Variants in NHLRC2 observed in about 807,000 individuals in gnomAD.
NHLRC2 encodes the protein NHL repeat containing 2, also known as NHL repeat-containing protein 2.
NHLRC2 carries 33 observed loss-of-function variants against 68.1 expected under a neutral mutation model. That is an observed-to-expected ratio of 0.48 (90% confidence interval 0.37 to 0.65). NHLRC2 has a LOEUF of 0.65. NHLRC2 is among the 30% of genes least tolerant of loss of function. The pLI is 0.00. For synonymous variants in NHLRC2, 311 were observed against 309.6 expected (o/e 1.00, Z -0.05); for missense variants, 761 against 853.8 (o/e 0.89, Z 1.35).
At chr10:113,888,567 C>G in intron 5 of NHLRC2, among the ~76,000 whole-genome samples, 1 of 152,118 alleles carries the variant, frequency 6.6e-6, no homozygotes, top group Non-Finnish European at 1.5e-5. Context: ...TTTAACCTGA[C>G]TATGCCGTAT....
At position 113,911,753 on chromosome 10, in the gene NHLRC2, A is replaced by G. The variant is rs1228420216; in HGVS notation, c.*3217A>G. 2.0e-5 allele frequency: 3 copies of G among 152,210 alleles called. No homozygotes were observed. Among genetic ancestry groups the G allele is most frequent in the South Asian group, 2.1e-4 (1 of 4,834 alleles). 9.4% of individuals were successfully genotyped at this position (152,210 alleles called of 1,614,324 possible). A position where few individuals can be genotyped will look rare whatever the true frequency, so the allele number is the denominator to read the frequency against. On this transcript the variant is annotated 3_prime_UTR_variant, in exon 11 of 11. Coordinates refer to ENST00000369301, the MANE Select transcript of NHLRC2 (RefSeq NM_198514.4). ...AGATTTGGCATCACGTTTAACCACAATCATCAAAATCTACTTAAATTCTAT... is the reference window on the plus strand; with the variant it reads ...AGATTTGGCATCACGTTTAACCACAGTCATCAAAATCTACTTAAATTCTAT...
rs2134678400 is a variant in NHLRC2, at chr10:113,854,663, T to C, written c.-210T>C. On this transcript the variant is annotated 5_prime_UTR_variant, in exon 1 of 11. Transcript: ENST00000369301. ...AGGGGCGGGGTGGGTCGGACGGCAGTTTAATTACGTCCCCGGGAACTGCGC... is the reference window on the plus strand; with the variant it reads ...AGGGGCGGGGTGGGTCGGACGGCAGCTTAATTACGTCCCCGGGAACTGCGC... 1 of 526,510 alleles carries C rather than the reference T, an allele frequency of 1.9e-6. No homozygotes were observed. The highest frequency in any genetic ancestry group is 2.6e-5 in the South Asian group (1 of 38,192). The allele number at this position is 526,510 out of a possible 1,614,324, so 32.6% of individuals were successfully genotyped here.
At chr10:113,879,076 T>C (rs1049067118) in intron 3 of NHLRC2, among the ~76,000 whole-genome samples, 1 of 152,176 alleles carries the variant, frequency 6.6e-6, no homozygotes, top group Non-Finnish European at 1.5e-5. Flanking sequence ...CGCAGGACTT[T>C]CTGACAAAGT....
rs1845789023 is a variant in NHLRC2, at chr10:113,858,877, A to G, written c.331+197A>G. The G allele has an allele frequency of 7.5e-6, 3 of 399,130 alleles. No individual in the cohort carries two copies. In the East Asian group the frequency reaches 1.1e-4, roughly 15 times the overall value. The allele number at this position is 399,130 out of a possible 1,614,324, so 24.7% of individuals were successfully genotyped here. A position where few individuals can be genotyped will look rare whatever the true frequency, so the allele number is the denominator to read the frequency against. On this transcript the variant is annotated intron_variant, in intron 2 of 10. Coordinates refer to ENST00000369301, the MANE Select transcript of NHLRC2 (RefSeq NM_198514.4). Reference sequence around the variant, plus strand: ...CTTAGTGATAGTGGTTTGCCTATCTAAAGAACCAGCATTTAGTATATGGTT... The same window carrying G: ...CTTAGTGATAGTGGTTTGCCTATCTGAAGAACCAGCATTTAGTATATGGTT...
At chr10:113,888,431 AATT>A (rs1397533562) in intron 5 of NHLRC2, among the ~76,000 whole-genome samples, 1 of 152,214 alleles carries the variant, frequency 6.6e-6, no homozygotes, top group Non-Finnish European at 1.5e-5. Flanking sequence ...GAATGTACAC[AATT>A]ATTATTGGTC....
intron 10 of NHLRC2, among the ~76,000 whole-genome samples, chr10:113,905,324 G>A (rs988656301): frequency 6.6e-6 from 1 of 152,138 alleles, no homozygotes; most frequent in East Asian, 1.9e-4. Flanking sequence ...TTCTGATCCT[G>A]TTCTTCATTC....
intron 1 of NHLRC2, among the ~76,000 whole-genome samples, chr10:113,857,264 C>T (rs554157239): frequency 6.6e-6 from 1 of 152,152 alleles, no homozygotes; most frequent in East Asian, 1.9e-4. Context: ...AGAAAAGTCA[C>T]AGAAGACAGA....
intron 5 of NHLRC2, among the ~76,000 whole-genome samples, chr10:113,893,733 C>T (rs1487904653): frequency 6.6e-6 from 1 of 152,122 alleles, no homozygotes; most frequent in African/African-American, 2.4e-5. Context: ...TTATAGTAAG[C>T]CCCAGCTGAG....
intron 8 of NHLRC2, 63 bp from the exon 9 acceptor site, chr10:113,903,464 C>T (rs1846245648): frequency 1.0e-6 from 1 of 990,770 alleles, no homozygotes; most frequent in Non-Finnish European, 1.6e-6. Flanking sequence ...ATACCATACT[C>T]TTCCATACAA....
intron 1 of NHLRC2, among the ~76,000 whole-genome samples, chr10:113,857,215 T>C (rs547637466): frequency 6.6e-5 from 10 of 152,282 alleles, no homozygotes; most frequent in African/African-American, 2.4e-4. Flanking sequence ...TAGTCATTCT[T>C]TCTATACCCC....
chr10:113,897,083 A>G lies in NHLRC2; in HGVS notation c.1040-1027A>G, dbSNP rs181189481. 9.3e-3 allele frequency among the ~76,000 whole-genome samples: 1,408 copies of G among 152,074 alleles called. 25 individuals carry two copies. Among genetic ancestry groups the G allele is most frequent in the South Asian group, 0.011 (52 of 4,822 alleles). ...AAATTAAGTTAGAATGAATAAGATT[A>G]TTCATTTTCGTGGGCTTTCCATGTT... On this transcript the variant is annotated intron_variant, in intron 5 of 10. Coordinates refer to ENST00000369301, the MANE Select transcript of NHLRC2 (RefSeq NM_198514.4).
intron 9 of NHLRC2, among the ~76,000 whole-genome samples, chr10:113,904,193 A>T (rs1266811929): frequency 6.6e-6 from 1 of 151,860 alleles, no homozygotes; most frequent in East Asian, 1.9e-4. Context: ...AAGCTTTAGA[A>T]GCCACTTTCT....
chr10:113,892,725 G>T (rs1275501934), intron 5 of NHLRC2, among the ~76,000 whole-genome samples: 1 of 151,722 alleles, frequency 6.6e-6, no homozygotes, highest in Non-Finnish European at 1.5e-5. Flanking sequence ...TGGAGAAGTG[G>T]TCTAGCACGG....
intron 5 of NHLRC2, among the ~76,000 whole-genome samples, chr10:113,892,257 A>G (rs1410515590): frequency 6.6e-6 from 1 of 152,176 alleles, no homozygotes; most frequent in African/African-American, 2.4e-5. Context: ...TTTGTTTTCT[A>G]AAAATATGTC....
At chr10:113,879,479 A>G (rs937348356) in intron 3 of NHLRC2, 95 bp from the exon 4 acceptor site, 2 of 1,097,890 alleles carry the variant, frequency 1.8e-6, no homozygotes, top group Non-Finnish European at 2.6e-6. Context: ...CCATTTTTTT[A>G]TATTAAAATC....
intron 1 of NHLRC2, among the ~76,000 whole-genome samples, chr10:113,856,137 G>GAT (rs1405142267): frequency 6.6e-6 from 1 of 152,220 alleles, no homozygotes; most frequent in African/African-American, 2.4e-5. Flanking sequence ...TGAAGGAACA[G>GAT]ATATTCCCGG....
rs1564858019 is a variant in NHLRC2 at position 113,898,916 on chromosome 10, A to G, written c.1139+707A>G. 1.3e-5 allele frequency among the ~76,000 whole-genome samples: 2 copies of G among 152,212 alleles called. 1 individual carries two copies. The highest frequency in any genetic ancestry group is 4.1e-4 in the South Asian group (2 of 4,830). ...GCTTGGCATAGTACCTAACATGTAC[A>G]GTAAACATAGGTAGCTTTGCTGTCA... On this transcript the variant is annotated intron_variant, in intron 6 of 10. Coordinates refer to ENST00000369301, the MANE Select transcript of NHLRC2 (RefSeq NM_198514.4).
intron 5 of NHLRC2, among the ~76,000 whole-genome samples, chr10:113,896,817 A>G (rs1443477263): frequency 2.0e-5 from 3 of 151,838 alleles, no homozygotes; most frequent in African/African-American, 7.3e-5. Flanking sequence ...ACACAGTGAA[A>G]CCCCGTCTCT....
intron 2 of NHLRC2, among the ~76,000 whole-genome samples, chr10:113,862,400 CAA>C (rs536515196): frequency 3.9e-3 from 368 of 93,966 alleles, no homozygotes; most frequent in African/African-American, 0.014. Context: ...CTGGTTACCA[CAA>C]AAAAAAAGAA....
Sources: allele counts gnomAD v4.1 joint callset (sites outside exome capture counted in the v4.1 genomes callset), GRCh38; gene constraint gnomAD v4.1.1; transcripts MANE v1.5; gene names NCBI Gene and HGNC (gene_info 2026-07-23, HGNC 2026-07-21).